Variants in GRK5 observed in about 807,000 individuals in gnomAD.
GRK5 encodes G protein-coupled receptor kinase 5.
GRK5 carries 40 observed loss-of-function variants against 78.4 expected under a neutral mutation model. The ratio of observed to expected loss-of-function variants is 0.51; its 90% CI spans 0.40 to 0.66. The LOEUF (loss-of-function observed/expected upper bound fraction) is 0.66, where lower values mean the gene tolerates loss of function less well. Among genes scored for constraint, GRK5 ranks in the 30% least tolerant of loss-of-function variants. The probability of loss-of-function intolerance (pLI) is 0.00; values close to 1 mark genes in which losing one functional copy is unlikely to be tolerated. For synonymous variants in GRK5, 289 were observed against 296.8 expected, an observed-to-expected ratio of 0.97 and a Z score of 0.27; for missense variants, 598 against 759.9, an observed-to-expected ratio of 0.79 and a Z score of 2.50.
intron 1 of GRK5, among the ~76,000 whole-genome samples, chr10:119,262,182 C>A (rs1018494297): frequency 6.6e-6 from 1 of 152,076 alleles, no homozygotes; most frequent in Non-Finnish European, 1.5e-5. Context: ...CCAATCAGCC[C>A]ACCAGGAAAT....
chr10:119,261,147 G>A (rs80324936), intron 1 of GRK5, among the ~76,000 whole-genome samples: 10,868 of 149,608 alleles, frequency 0.073, 565 homozygotes, highest in Admixed American at 0.13. Flanking sequence ...CAGACGGGGC[G>A]GCTGCCGGGC....
chr10:119,419,757 G>A (rs776732251), intron 4 of GRK5, among the ~76,000 whole-genome samples: 3 of 152,220 alleles, frequency 2.0e-5, no homozygotes, highest in East Asian at 3.9e-4. Flanking sequence ...CCTGCCTGCA[G>A]GTAGGAGGGT....
rs530198063 is a variant in GRK5 at position 119,378,462 on chromosome 10, C to T, written c.149-2353C>T. Among the ~76,000 whole-genome samples the T allele has an allele frequency of 6.6e-6, 1 of 152,328 alleles. No individual in the cohort carries two copies. The highest frequency in any genetic ancestry group is 2.1e-4 in the South Asian group (1 of 4,832). ...GTTTTAGAGTGCCTTCTTCAACATA[C>T]GCTACTTAGACCGGGCGAATTCCTC... On this transcript the variant is annotated intron_variant, in intron 2 of 15. Coordinates refer to ENST00000392870, the MANE Select transcript of GRK5 (RefSeq NM_005308.3). The surrounding 1 kb of genome is among the most constrained non-coding windows in gnomAD (Gnocchi z 4.5).
intron 1 of GRK5, among the ~76,000 whole-genome samples, chr10:119,286,992 T>C (rs1220847534): frequency 2.0e-5 from 3 of 151,748 alleles, no homozygotes; most frequent in Non-Finnish European, 4.4e-5. Context: ...CCCCTGTGTC[T>C]AGAACAGTGT....
rs572093038 is a variant in GRK5 at position 119,452,293 on chromosome 10, G to C, written c.1405-378G>C. ...ACAGCTGGGACTCTAGCCCACGTCTGTCCAGTATGGGTAAGGGAGTGATGG... is the reference window on the plus strand; with the variant it reads ...ACAGCTGGGACTCTAGCCCACGTCTCTCCAGTATGGGTAAGGGAGTGATGG... On this transcript the variant is annotated intron_variant, in intron 13 of 15. Transcript: ENST00000392870. The surrounding 1 kb of genome is among the most constrained non-coding windows in gnomAD (Gnocchi z 4.4). Among the ~76,000 whole-genome samples, 2 of 152,286 alleles carry C rather than the reference G, an allele frequency of 1.3e-5. No homozygotes were observed. The highest frequency in any genetic ancestry group is 4.1e-4 in the South Asian group (2 of 4,826).
At chr10:119,224,033 CACCT>C (rs1312125125) in intron 1 of GRK5, among the ~76,000 whole-genome samples, 2 of 152,166 alleles carry the variant, frequency 1.3e-5, no homozygotes, top group Non-Finnish European at 2.9e-5. Flanking sequence ...CGGTGGCACT[CACCT>C]GTAGTCCCAG....
At chr10:119,344,930 C>CTTCCTTCCTTCCTTCCTTCT (rs1313368036) in intron 2 of GRK5, among the ~76,000 whole-genome samples, 4 of 135,498 alleles carry the variant, frequency 3.0e-5, no homozygotes, top group Admixed American at 8.2e-5. Flanking sequence ...TCCTTCCTTC[C>CTTCCTTCCTTCCTTCCTTCT]TTCCTTTTCC....
chr10:119,414,261 G>A (rs1727322179), intron 4 of GRK5, among the ~76,000 whole-genome samples: 1 of 152,254 alleles, frequency 6.6e-6, no homozygotes, highest in Non-Finnish European at 1.5e-5. Flanking sequence ...TGGAGATAGA[G>A]TGGACAGTCT....
intron 1 of GRK5, among the ~76,000 whole-genome samples, chr10:119,225,670 C>CTT (rs35238730): frequency 1.5e-4 from 17 of 114,970 alleles, no homozygotes; most frequent in South Asian, 5.8e-4. Context: ...CTCTCTCTCT[C>CTT]TTTTTTTTTT....
At chr10:119,321,437 C>T (rs1589743457) in intron 1 of GRK5, among the ~76,000 whole-genome samples, 2 of 152,130 alleles carry the variant, frequency 1.3e-5, no homozygotes, top group African/African-American at 2.4e-5. Context: ...CTGGGGGCTC[C>T]GGGGAGAATC....
rs372570022 is a variant in GRK5 at position 119,299,919 on chromosome 10, C to T, written c.53-26597C>T. Among the ~76,000 whole-genome samples the T allele has an allele frequency of 8.5e-5, 13 of 152,158 alleles. No homozygotes were observed. In the South Asian group the frequency reaches 1.2e-3, roughly 15 times the overall value. On this transcript the variant is annotated intron_variant, in intron 1 of 15. Transcript: ENST00000392870. ...TGTTGGTGTGCTGCATCCGTTAACT[C>T]GTCATTTACATTAGGTATATCTCCT...
At chr10:119,266,111 G>A (rs1247782839) in intron 1 of GRK5, among the ~76,000 whole-genome samples, 1 of 152,212 alleles carries the variant, frequency 6.6e-6, no homozygotes, top group Non-Finnish European at 1.5e-5. Flanking sequence ...GTTTACTGGA[G>A]GAAGCTGCAG....
chr10:119,303,924 A>G (rs1436246756), intron 1 of GRK5, among the ~76,000 whole-genome samples: 2 of 152,096 alleles, frequency 1.3e-5, no homozygotes, highest in African/African-American at 2.4e-5. Context: ...CTCCCACTGC[A>G]TGGTGTCCCT....
chr10:119,262,786 C>T (rs1176955176), intron 1 of GRK5, among the ~76,000 whole-genome samples: 2 of 152,170 alleles, frequency 1.3e-5, no homozygotes, highest in Non-Finnish European at 2.9e-5. Flanking sequence ...CCTACTCAAG[C>T]TATGCCACTG....
At chr10:119,231,601 G>T (rs552879708) in intron 1 of GRK5, among the ~76,000 whole-genome samples, 2 of 151,824 alleles carry the variant, frequency 1.3e-5, no homozygotes, top group African/African-American at 4.8e-5. Context: ...CAGCTACTTG[G>T]GAGGCTGAGA....
chr10:119,295,282 T>C (rs1850061352), intron 1 of GRK5, among the ~76,000 whole-genome samples: 1 of 151,042 alleles, frequency 6.6e-6, no homozygotes, highest in South Asian at 2.1e-4. Context: ...TGTGGGGCCC[T>C]AGACTCAACA....
At chr10:119,218,750 C>T (rs766359643) in intron 1 of GRK5, among the ~76,000 whole-genome samples, 11 of 152,174 alleles carry the variant, frequency 7.2e-5, no homozygotes, top group Non-Finnish European at 1.2e-4. Context: ...GATGCCACTA[C>T]CCCTGCTGTC....
At chr10:119,293,955 G>T (rs73445454) in intron 1 of GRK5, among the ~76,000 whole-genome samples, 3 of 152,048 alleles carry the variant, frequency 2.0e-5, no homozygotes, top group African/African-American at 7.2e-5. Context: ...TGCTAATCCC[G>T]GGGGTCTGGG....
At chr10:119,291,788 CCTT>C (rs376977089) in intron 1 of GRK5, among the ~76,000 whole-genome samples, 3,359 of 150,364 alleles carry the variant, frequency 0.022, 145 homozygotes, top group African/African-American at 0.077. Context: ...TCATCCTCCT[CCTT>C]CTTCTCTTCC....
Sources: gnomAD v4.1 joint callset for allele counts (sites outside exome capture counted in the v4.1 genomes callset) on GRCh38, gnomAD v4.1.1 for gene constraint, Gnocchi (gnomAD v3.1) non-coding constraint, MANE v1.5 for transcripts, NCBI Gene and HGNC (gene_info 2026-07-23, HGNC 2026-07-21) for gene names.